RCOR1: variants seen among roughly 807,000 people sequenced by gnomAD.
RCOR1 encodes REST corepressor.
Under a neutral mutation model 64.0 loss-of-function variants are expected in RCOR1, and 12 were observed. The observed-to-expected ratio is 0.19, with a 90% CI of 0.12 to 0.30. RCOR1 has a LOEUF of 0.30. Among genes scored for constraint, RCOR1 ranks in the 10% least tolerant of loss-of-function variants. RCOR1 has a pLI of 1.00. For missense variants in RCOR1, 502 were observed against 621.2 expected (o/e 0.81, Z 2.04); for synonymous variants, 279 against 227.2 (o/e 1.23, Z -2.05).
At chr14:102,631,787 ACTTTT>A (rs1894117307) in intron 2 of RCOR1, among the ~76,000 whole-genome samples, 1 of 151,992 alleles carries the variant, frequency 6.6e-6, no homozygotes, top group African/African-American at 2.4e-5. Context: ...TCTGTTCTTT[ACTTTT>A]CTTTCTTTTT....
At chr14:102,680,114 T>C (rs985191768) in intron 2 of RCOR1, among the ~76,000 whole-genome samples, 17 of 152,120 alleles carry the variant, frequency 1.1e-4, no homozygotes, top group African/African-American at 4.1e-4. Flanking sequence ...GTACACATCT[T>C]ACTTTATCCC....
At position 102,653,983 on chromosome 14, in the gene RCOR1, CTTTT is replaced by C. The variant is rs1160437928; in HGVS notation, c.362-27895_362-27892del. ...TCTTTCTTTCTTTCTTTCTTTCTTT[CTTTT>C]TTTTTTTTTTTTTTTTGAGACGGAG... is the stretch of plus-strand genomic sequence containing the variant. On this transcript the variant is annotated intron_variant, in intron 2 of 11. Transcript: ENST00000262241. Among the ~76,000 whole-genome samples the C allele has an allele frequency of 4.5e-3, 149 of 33,114 alleles. 2 individuals carry two copies. The highest frequency in any genetic ancestry group is 0.017 in the South Asian group (13 of 764). 21.7% of individuals were successfully genotyped at this position (33,114 alleles called of 152,430 possible).
At chr14:102,637,944 A>G (rs1894280566) in intron 2 of RCOR1, among the ~76,000 whole-genome samples, 1 of 152,182 alleles carries the variant, frequency 6.6e-6, no homozygotes, top group Admixed American at 6.5e-5. Flanking sequence ...TAAGTTTAAA[A>G]TAATTTTCTT....
chr14:102,728,367 G>A lies in RCOR1; in HGVS notation c.*1861G>A, dbSNP rs1378339643. On this transcript the variant is annotated 3_prime_UTR_variant, in exon 12 of 12. Transcript: ENST00000262241. ...AAAATAACACTAGTGATGAGGGAGA[G>A]GCTTCTTTTCACCATAAGCCTGCTG... The A allele has an allele frequency of 1.3e-5, 2 of 152,142 alleles. No individual in the cohort carries two copies. Among genetic ancestry groups the A allele is most frequent in the Admixed American group, 1.3e-4 (2 of 15,268 alleles). The allele number at this position is 152,142 out of a possible 1,614,324, so 9.4% of individuals were successfully genotyped here.
In RCOR1 at chr14:102,726,679, C is replaced by T. The variant is rs190752876; in HGVS notation, c.*173C>T. Reference sequence around the variant, plus strand: ...ATCTGCCTTAATTCTTTGCTCGTTCCTCCATGTTGGCGCCACTTCCCAGAG... The same window carrying T: ...ATCTGCCTTAATTCTTTGCTCGTTCTTCCATGTTGGCGCCACTTCCCAGAG... On this transcript the variant is annotated 3_prime_UTR_variant, in exon 12 of 12. Transcript: ENST00000262241. 250 of 598,808 alleles carry T rather than the reference C, an allele frequency of 4.2e-4. No homozygotes were observed. The African/African-American group carries it at 4.4e-3, about 10-fold the overall frequency. 37.1% of individuals were successfully genotyped at this position (598,808 alleles called of 1,614,324 possible).
At chr14:102,634,772 C>G (rs764861151) in intron 2 of RCOR1, among the ~76,000 whole-genome samples, 5 of 151,624 alleles carry the variant, frequency 3.3e-5, no homozygotes, top group African/African-American at 7.3e-5. Flanking sequence ...TCTCGACTCA[C>G]GACAACCTCT....
chr14:102,676,710 G>A (rs1895170437), intron 2 of RCOR1, among the ~76,000 whole-genome samples: 1 of 117,146 alleles, frequency 8.5e-6, no homozygotes, highest in East Asian at 2.7e-4. Context: ...CCCGGACTGG[G>A]CGGCTGGCCG....
intron 2 of RCOR1, among the ~76,000 whole-genome samples, chr14:102,676,343 AC>A (rs35475812): frequency 2.5e-5 from 3 of 120,682 alleles, no homozygotes; most frequent in South Asian, 2.6e-4. Context: ...CGGGGGGCTG[AC>A]CCCCCCACCA....
chr14:102,671,949 G>A (rs1216473163), intron 2 of RCOR1, among the ~76,000 whole-genome samples: 12 of 152,162 alleles, frequency 7.9e-5, no homozygotes, highest in African/African-American at 2.7e-4. Flanking sequence ...TTTTGTGCAT[G>A]TGACTGGCTG....
In RCOR1 at chr14:102,729,387, G is replaced by A. The variant is rs1896327070; in HGVS notation, c.*2881G>A. ...TAATATAGCTCTTTTAACTGGGAAG[G>A]AACCACACCCCAGTTGTGCCGATTA... is the stretch of plus-strand genomic sequence containing the variant. On this transcript the variant is annotated 3_prime_UTR_variant, in exon 12 of 12. Coordinates refer to ENST00000262241, the MANE Select transcript of RCOR1 (RefSeq NM_015156.4). 1 of 153,178 alleles carries A rather than the reference G, an allele frequency of 6.5e-6. No individual in the cohort carries two copies. The highest frequency in any genetic ancestry group is 2.1e-4 in the South Asian group (1 of 4,840). 9.5% of individuals were successfully genotyped at this position (153,178 alleles called of 1,614,324 possible). A position where few individuals can be genotyped will look rare whatever the true frequency, so the allele number is the denominator to read the frequency against.
At chr14:102,645,074 GCT>G (rs1894452845) in intron 2 of RCOR1, among the ~76,000 whole-genome samples, 2 of 152,024 alleles carry the variant, frequency 1.3e-5, no homozygotes, top group South Asian at 4.1e-4. Flanking sequence ...AATTTTGTGG[GCT>G]CTCTCTGTGT....
chr14:102,608,770 G>A (rs1893567478), intron 2 of RCOR1, among the ~76,000 whole-genome samples: 1 of 150,802 alleles, frequency 6.6e-6, no homozygotes, highest in Non-Finnish European at 1.5e-5. Flanking sequence ...TGTTTATGTT[G>A]GCCAGGCTGG....
chr14:102,669,677 T>C (rs1894991932), intron 2 of RCOR1, among the ~76,000 whole-genome samples: 1 of 152,190 alleles, frequency 6.6e-6, no homozygotes, highest in African/African-American at 2.4e-5. Context: ...ATCTATAAAA[T>C]GGATAGTCGT....
rs149732320 is a variant in RCOR1 at position 102,675,822 on chromosome 14, C to A, written c.362-6073C>A. 4.9e-4 allele frequency among the ~76,000 whole-genome samples: 74 copies of A among 152,310 alleles called. No individual in the cohort carries two copies. The East Asian group carries it at 0.013, about 26-fold the overall frequency. On this transcript the variant is annotated intron_variant, in intron 2 of 11. Transcript: ENST00000262241. ...AGACCCTGGAAACCTTGGATCTATT[C>A]ATTATCCCTGTACTTTTGCCTTTTT...
At chr14:102,594,458 G>T (rs1893203614) in intron 2 of RCOR1, among the ~76,000 whole-genome samples, 1 of 152,136 alleles carries the variant, frequency 6.6e-6, no homozygotes, top group Admixed American at 6.6e-5. Context: ...TGTTATTAAG[G>T]TACTAAACTG....
chr14:102,637,758 AT>A (rs1234041160), intron 2 of RCOR1, among the ~76,000 whole-genome samples: 2 of 151,994 alleles, frequency 1.3e-5, no homozygotes, highest in African/African-American at 4.8e-5. Flanking sequence ...CTGCAAAGCG[AT>A]TTTTTTTGAG....
intron 8 of RCOR1, among the ~76,000 whole-genome samples, chr14:102,715,159 C>T (rs989429419): frequency 6.6e-6 from 1 of 151,488 alleles, no homozygotes; most frequent in Non-Finnish European, 1.5e-5. Flanking sequence ...AGCTCTGCCT[C>T]CCCAGTTCAT....
intron 2 of RCOR1, among the ~76,000 whole-genome samples, chr14:102,626,878 G>A (rs779968976): frequency 6.6e-6 from 1 of 152,162 alleles, no homozygotes; most frequent in Non-Finnish European, 1.5e-5. Context: ...GTTATACCTT[G>A]TGTAATCCAA....
intron 3 of RCOR1, among the ~76,000 whole-genome samples, chr14:102,688,802 T>G (rs1895472249): frequency 6.6e-6 from 1 of 152,202 alleles, no homozygotes; most frequent in African/African-American, 2.4e-5. Flanking sequence ...TACGGTATCA[T>G]CTCTCCTCAG....
Sources: allele counts gnomAD v4.1 joint callset (sites outside exome capture counted in the v4.1 genomes callset), GRCh38; gene constraint gnomAD v4.1.1; transcripts MANE v1.5; gene names NCBI Gene and HGNC (gene_info 2026-07-23, HGNC 2026-07-21).